ATP10D: variants seen among roughly 807,000 people sequenced by gnomAD.
ATP10D encodes ATPase phospholipid transporting 10D (putative), also known as phospholipid-transporting ATPase VD.
In ATP10D, 89 loss-of-function variants were observed where a neutral mutation model predicts 144.8. The observed-to-expected ratio is 0.61, with a 90% CI of 0.52 to 0.73. The LOEUF is 0.73. Ranked by LOEUF, ATP10D falls within the 30% of genes least tolerant of loss-of-function variation. The pLI is 0.00. For synonymous variants in ATP10D, 571 were observed against 615.1 expected (o/e 0.93, Z 1.06); for missense variants, 1,603 against 1,714.8 (o/e 0.93, Z 1.15).
chr4:47,558,124 T>C lies in ATP10D; in HGVS notation c.2285T>C (p.Leu762Ser). The change falls in exon 12 of 23, where the codon TTA becomes TCA. Residue 762 changes from leucine (L) to serine (S), a missense_variant. Leu to Ser is a moderately radical substitution (Grantham distance 145). Transcript: ENST00000273859. The stretch of plus-strand genomic sequence containing the variant: ...GTGGACTTTGCTGCTTTGGGACCAT[T>C]AACATTTCAACTCCTACACATCCTG... Reference protein sequence around the residue: ...VMVDFAALGPLTFQLLHILPF... With the variant: ...VMVDFAALGPSTFQLLHILPF... The C allele has an allele frequency of 6.2e-7, 1 of 1,614,178 alleles. No individual in the cohort carries two copies. The highest frequency in any genetic ancestry group is 2.2e-5 in the East Asian group (1 of 44,878).
In ATP10D at chr4:47,557,783, A is replaced by G; in HGVS notation, c.1944A>G (p.Pro648=). The change falls in exon 12 of 23, where the codon CCA becomes CCG. Residue 648 remains proline, a synonymous_variant. Transcript: ENST00000273859. ...CATCGCTTAACAGTGGGAAAGAGCC[A>G]TCTTCTGGAGTTCCAAACGCCTTTG... is the stretch of plus-strand genomic sequence containing the variant. ...SSPSLNSGKE[P]SSGVPNAFVS... 3.1e-6 allele frequency: 5 copies of G among 1,614,206 alleles called. No individual in the cohort carries two copies. Among genetic ancestry groups the G allele is most frequent in the South Asian group, 1.1e-5 (1 of 91,082 alleles).
chr4:47,533,056 A>C (rs1427557419), intron 5 of ATP10D, among the ~76,000 whole-genome samples: 1 of 152,196 alleles, frequency 6.6e-6, no homozygotes, highest in Non-Finnish European at 1.5e-5. Context: ...ATAGAAGCTG[A>C]ACTTTGTCTA....
intron 5 of ATP10D, 146 bp downstream of exon 5, chr4:47,525,788 T>G: frequency 1.6e-6 from 1 of 620,706 alleles, no homozygotes; most frequent in South Asian, 2.1e-5. Context: ...TAGTTTGGCT[T>G]ATTTTAATTA....
At chr4:47,501,897 T>A (rs1346990810) in intron 1 of ATP10D, among the ~76,000 whole-genome samples, 1 of 152,190 alleles carries the variant, frequency 6.6e-6, no homozygotes, top group Non-Finnish European at 1.5e-5. Context: ...TGCTATCTTG[T>A]CATTTCAATA....
intron 11 of ATP10D, among the ~76,000 whole-genome samples, chr4:47,556,154 A>G (rs538142280): frequency 6.6e-6 from 1 of 152,330 alleles, no homozygotes; most frequent in East Asian, 1.9e-4. Flanking sequence ...GTGATTCACC[A>G]TTTGCTGTGC....
At chr4:47,536,586 G>T (rs1388096669) in intron 8 of ATP10D, 22 bp downstream of exon 8, 1 of 1,609,582 alleles carries the variant, frequency 6.2e-7, no homozygotes, top group Non-Finnish European at 8.5e-7. Context: ...TCAAGCTTAT[G>T]GTAGAATTTT....
chr4:47,563,889 G>C, intron 15 of ATP10D, 124 bp downstream of exon 15: 1 of 1,035,736 alleles, frequency 9.7e-7, no homozygotes, highest in South Asian at 2.2e-5. Context: ...TTTGTTGTTT[G>C]TTTGTTTGTT....
intron 14 of ATP10D, among the ~76,000 whole-genome samples, chr4:47,563,031 A>C (rs1577687724): frequency 1.3e-5 from 2 of 152,190 alleles, no homozygotes; most frequent in Non-Finnish European, 2.9e-5. Context: ...GTACACATGG[A>C]CATGGAAAAT....
Position 47,537,541 on chromosome 4 carries a change from C to T in ATP10D, c.1396+603C>T, listed in dbSNP as rs1401241126. Among the ~76,000 whole-genome samples the T allele has an allele frequency of 2.6e-5, 4 of 152,080 alleles. No homozygotes were observed. In the East Asian group the frequency reaches 7.7e-4, roughly 29 times the overall value. Reference sequence around the variant, plus strand: ...AAAGCCCTACTCTCCCAAGGTTAACCACCATTAACAATTTGGTGAATATGT... The same window carrying T: ...AAAGCCCTACTCTCCCAAGGTTAACTACCATTAACAATTTGGTGAATATGT... On this transcript the variant is annotated intron_variant, in intron 9 of 22. Coordinates refer to ENST00000273859, the MANE Select transcript of ATP10D (RefSeq NM_020453.4).
intron 1 of ATP10D, among the ~76,000 whole-genome samples, chr4:47,505,489 C>T (rs1329323722): frequency 6.6e-6 from 1 of 151,946 alleles, no homozygotes; most frequent in Non-Finnish European, 1.5e-5. Flanking sequence ...TTTGGGAGGC[C>T]GAGGCAGGTG....
chr4:47,537,717 A>G (rs921204380), intron 9 of ATP10D, among the ~76,000 whole-genome samples: 4 of 152,180 alleles, frequency 2.6e-5, no homozygotes, highest in African/African-American at 4.8e-5. Context: ...AAGTCAGTTC[A>G]TAACTTAAAA....
chr4:47,549,537 TA>T (rs1380322815), intron 10 of ATP10D, among the ~76,000 whole-genome samples: 2 of 152,228 alleles, frequency 1.3e-5, no homozygotes, highest in East Asian at 3.8e-4. Context: ...ATGAATTTAT[TA>T]ATGAATTAAT....
rs772149838 is a variant in ATP10D, at chr4:47,554,845, C to T, written c.1755C>T (p.Ile585=). 17 of 1,613,958 alleles carry T rather than the reference C, an allele frequency of 1.1e-5. No individual in the cohort carries two copies. Among genetic ancestry groups the T allele is most frequent in the East Asian group, 2.2e-5 (1 of 44,874 alleles). Residue 585 remains isoleucine (I), a synonymous_variant, in exon 11 of 23, where the codon ATC becomes ATT. Transcript: ENST00000273859. Reference sequence around the variant, plus strand: ...CACCAATGGAAACTTTGTACATTATCGACTTTTTCATTGCATTGGCAATTT... The same window carrying T: ...CACCAATGGAAACTTTGTACATTATTGACTTTTTCATTGCATTGGCAATTT... ...QNPPMETLYI[I]DFFIALAICN... is the part of the protein sequence containing the mutation.
At position 47,536,674 on chromosome 4, in the gene ATP10D, G is replaced by C; in HGVS notation, c.1144-12G>C. ...TACGTTAACATTTTAAAACTTGTTT[G>C]GATCTTCTTAGGTCTTGATTCCTAT... On this transcript the variant is annotated splice_polypyrimidine_tract_variant and intron_variant, in intron 8 of 22. Transcript: ENST00000273859. 1 of 1,599,246 alleles carries C rather than the reference G, an allele frequency of 6.3e-7. No individual in the cohort carries two copies. Among genetic ancestry groups the C allele is most frequent in the African/African-American group, 1.3e-5 (1 of 74,118 alleles).
At chr4:47,525,410 A>G in intron 4 of ATP10D, 147 bp from the exon 5 acceptor site, 2 of 619,334 alleles carry the variant, frequency 3.2e-6, no homozygotes, top group Non-Finnish European at 2.8e-6. Context: ...TTATGCCTCT[A>G]CTTTCCTTCC....
intron 4 of ATP10D, among the ~76,000 whole-genome samples, chr4:47,524,317 T>G (rs1182242255): frequency 6.6e-6 from 1 of 152,144 alleles, no homozygotes; most frequent in African/African-American, 2.4e-5. Context: ...ACTAATACCT[T>G]TATCTTTGGT....
In ATP10D at chr4:47,536,561, A is replaced by G; in HGVS notation, c.1140A>G (p.Leu380=). The change falls in exon 8 of 23, where the codon TTA becomes TTG. Residue 380 remains leucine (L), a synonymous_variant. Coordinates refer to ENST00000273859, the MANE Select transcript of ATP10D (RefSeq NM_020453.4). The stretch of plus-strand genomic sequence containing the variant: ...TGTTTTGGACCATGATCATTTTGTT[A>G]CAGGTAATTTTTTATCAAGCTTATG... The part of the protein sequence containing the change: ...FYMFWTMIIL[L]QVLIPISLYV... 1 of 1,612,112 alleles carries G rather than the reference A, an allele frequency of 6.2e-7. No homozygotes were observed. Among genetic ancestry groups the G allele is most frequent in the Non-Finnish European group, 8.5e-7 (1 of 1,179,322 alleles).
chr4:47,560,980 T>C lies in ATP10D; in HGVS notation c.2573T>C (p.Leu858Pro). 6.2e-7 allele frequency: 1 copy of C among 1,614,160 alleles called. No homozygotes were observed. The highest frequency in any genetic ancestry group is 8.5e-7 in the Non-Finnish European group (1 of 1,179,972). Reference sequence around the variant, plus strand: ...AGTGACACTGAATATGCAGAGTGGCTGAGGAATCATTTTTTAGCTGAAACC... The same window carrying C: ...AGTGACACTGAATATGCAGAGTGGCCGAGGAATCATTTTTTAGCTGAAACC... ...VMSDTEYAEW[L>P]RNHFLAETSI... The change falls in exon 14 of 23, where the codon CTG (leucine) becomes CCG (proline). Residue 858 changes from leucine to proline, a missense_variant. By Grantham distance (98) the Leu-to-Pro change is moderately conservative. Transcript: ENST00000273859.
In ATP10D at chr4:47,512,522, A is replaced by G; in HGVS notation, c.-19A>G. 3 of 1,596,618 alleles carry G rather than the reference A, an allele frequency of 1.9e-6. No individual in the cohort carries two copies. The highest frequency in any genetic ancestry group is 2.6e-6 in the Non-Finnish European group (3 of 1,168,414). ...TTGCCAGGTCAGCTACACAACCTGG[A>G]TCTTACCACAGTTTGGATATGACTG... On this transcript the variant is annotated 5_prime_UTR_variant, in exon 2 of 23. Coordinates refer to ENST00000273859, the MANE Select transcript of ATP10D (RefSeq NM_020453.4).
Sources: allele counts gnomAD v4.1 joint callset (sites outside exome capture counted in the v4.1 genomes callset), GRCh38; gene constraint gnomAD v4.1.1; transcripts MANE v1.5; gene names NCBI Gene and HGNC (gene_info 2026-07-23, HGNC 2026-07-21).